Variants in PCNT observed in about 807,000 individuals in gnomAD.
The protein encoded by PCNT is pericentrin.
Under a neutral mutation model 380.4 loss-of-function variants are expected in PCNT, and 319 were observed. The ratio of observed to expected loss-of-function variants is 0.84; its 90% CI spans 0.77 to 0.92. The LOEUF (loss-of-function observed/expected upper bound fraction) is 0.92. Among genes scored for constraint, PCNT ranks in the 40% least tolerant of loss-of-function variants. The pLI is 0.00. For synonymous variants in PCNT, 1,845 were observed against 1,735.2 expected (o/e 1.06, Z -1.57); for missense variants, 4,400 against 4,255.3 (o/e 1.03, Z -0.95).
At chr21:46,365,181 C>G (rs576465204) in intron 14 of PCNT, among the ~76,000 whole-genome samples, 1 of 152,214 alleles carries the variant, frequency 6.6e-6, no homozygotes, top group Admixed American at 6.5e-5. Flanking sequence ...CCATGGGGTT[C>G]TCCTCACTGC....
chr21:46,374,849 C>CAAAAA (rs760273140), intron 15 of PCNT, among the ~76,000 whole-genome samples: 3 of 85,556 alleles, frequency 3.5e-5, no homozygotes, highest in Admixed American at 1.4e-4. Flanking sequence ...AACTTCGTCT[C>CAAAAA]AAAAAAAAAA....
In PCNT at chr21:46,411,579, G is replaced by A. The variant is rs1226226607; in HGVS notation, c.5506G>A (p.Ala1836Thr). ...AGAGGAGGCTGCGGAGCTACAGCTG[G>A]CTGAGCTGGAGCGCAATGTAGCCCT... Reference protein sequence around the residue: ...GAEEAAELQLAELERNVALRE... With the variant: ...GAEEAAELQLTELERNVALRE... The change falls in exon 28 of 47, where the codon GCT (alanine) becomes ACT (threonine). Residue 1836 changes from alanine (A) to threonine (T), a missense_variant. By Grantham distance (58) the Ala-to-Thr change is moderately conservative. Coordinates refer to ENST00000359568, the MANE Select transcript of PCNT (RefSeq NM_006031.6). 1 of 1,612,808 alleles carries A rather than the reference G, an allele frequency of 6.2e-7. No individual in the cohort carries two copies. The highest frequency in any genetic ancestry group is 1.3e-5 in the African/African-American group (1 of 74,932).
At chr21:46,369,244 T>C (rs1261380252) in intron 15 of PCNT, among the ~76,000 whole-genome samples, 1 of 152,220 alleles carries the variant, frequency 6.6e-6, no homozygotes, top group African/African-American at 2.4e-5. Flanking sequence ...GTTTGTTTCT[T>C]TTTTGTTTTT....
chr21:46,435,586 A>C (rs1424309944), intron 38 of PCNT, among the ~76,000 whole-genome samples: 1 of 151,492 alleles, frequency 6.6e-6, no homozygotes, highest in Admixed American at 6.6e-5. Flanking sequence ...TCTGTTGTCC[A>C]GGCTGAAGTG....
Position 46,335,685 on chromosome 21 carries a change from TG to T in PCNT, c.639+921del, listed in dbSNP as rs1337447703. The stretch of plus-strand genomic sequence containing the variant: ...GCAAGTTTGGTTGTTTTTTGGTTTT[TG>T]GGGTTTTTTTTTTTTTTTTAAATAG... On this transcript the variant is annotated intron_variant, in intron 3 of 46. Transcript: ENST00000359568. 1.8e-3 allele frequency among the ~76,000 whole-genome samples: 274 copies of T among 150,160 alleles called. 3 individuals are homozygous for T. Among genetic ancestry groups the T allele is most frequent in the Middle Eastern group, 0.017 (5 of 288 alleles).
chr21:46,407,330 T>G (rs780530917), intron 27 of PCNT, among the ~76,000 whole-genome samples: 6 of 144,852 alleles, frequency 4.1e-5, no homozygotes, highest in African/African-American at 1.6e-4. Flanking sequence ...TAAAGAAGTT[T>G]ATACTTTCTC....
intron 33 of PCNT, among the ~76,000 whole-genome samples, 169 bp from the exon 34 acceptor site, chr21:46,427,453 T>C (rs766049325): frequency 3.9e-5 from 6 of 152,218 alleles, no homozygotes; most frequent in African/African-American, 1.4e-4. Flanking sequence ...CCTCATATGA[T>C]GGAGACAGCG....
intron 7 of PCNT, 65 bp from the exon 8 acceptor site, chr21:46,349,619 C>T: frequency 6.5e-7 from 1 of 1,550,172 alleles, no homozygotes; most frequent in Non-Finnish European, 8.9e-7. Context: ...CCATTATTGT[C>T]ACTGAGGTCG....
At chr21:46,361,343 A>G (rs539351967) in intron 13 of PCNT, among the ~76,000 whole-genome samples, 47 of 152,384 alleles carry the variant, frequency 3.1e-4, no homozygotes, top group Middle Eastern at 3.4e-3. Context: ...GTGAGCCACA[A>G]TCACGCCACT....
At chr21:46,349,598 C>T in intron 7 of PCNT, 86 bp from the exon 8 acceptor site, 1 of 1,439,980 alleles carries the variant, frequency 6.9e-7, no homozygotes, top group East Asian at 2.3e-5. Context: ...GGTGGCAGCG[C>T]TCTGGGTGCA....
At chr21:46,376,045 G>A (rs565341535) in intron 15 of PCNT, among the ~76,000 whole-genome samples, 1 of 152,176 alleles carries the variant, frequency 6.6e-6, no homozygotes, top group Admixed American at 6.5e-5. Flanking sequence ...TGCGTGCAGT[G>A]TTGGCACTCC....
intron 21 of PCNT, among the ~76,000 whole-genome samples, chr21:46,392,097 T>A (rs916984277): frequency 1.6e-4 from 25 of 152,188 alleles, no homozygotes; most frequent in Admixed American, 6.5e-4. Context: ...TATTATTATT[T>A]TTTTACATTT....
chr21:46,432,704 A>G (rs1459786258), intron 38 of PCNT, among the ~76,000 whole-genome samples: 3 of 152,180 alleles, frequency 2.0e-5, no homozygotes. Context: ...AGCTCACTGC[A>G]GTCGCCGCCT....
At chr21:46,434,745 C>G (rs1039479509) in intron 38 of PCNT, among the ~76,000 whole-genome samples, 9 of 152,222 alleles carry the variant, frequency 5.9e-5, no homozygotes, top group Admixed American at 5.9e-4. Flanking sequence ...CACGTGGCCA[C>G]CCAGGCTCAG....
chr21:46,391,745 C>T (rs1005148101), intron 21 of PCNT, among the ~76,000 whole-genome samples: 3 of 152,228 alleles, frequency 2.0e-5, no homozygotes, highest in South Asian at 2.1e-4. Context: ...TATTAACCCT[C>T]ATTAGGAAAA....
chr21:46,437,193 C>T, intron 40 of PCNT, 112 bp downstream of exon 40: 1 of 729,224 alleles, frequency 1.4e-6, no homozygotes, highest in Non-Finnish European at 2.4e-6. Context: ...TCCCTCGCTG[C>T]CTTCTCTGAA....
chr21:46,374,202 G>A lies in PCNT; in HGVS notation c.3165+7063G>A, dbSNP rs567337473. Among the ~76,000 whole-genome samples the A allele has an allele frequency of 2.0e-5, 3 of 152,152 alleles. No individual in the cohort carries two copies. In the South Asian group the frequency reaches 6.2e-4, roughly 32 times the overall value. On this transcript the variant is annotated intron_variant, in intron 15 of 46. Coordinates refer to ENST00000359568, the MANE Select transcript of PCNT (RefSeq NM_006031.6). ...AGCCCCCGGTCCCGCTGGTTAGTGG[G>A]GTGCACGTTCAATACATCAGTCCCC...
At chr21:46,397,527 C>A in intron 22 of PCNT, 33 bp downstream of exon 22, 2 of 1,565,004 alleles carry the variant, frequency 1.3e-6, no homozygotes, top group South Asian at 2.2e-5. Context: ...TTTTTTGCAT[C>A]ACTAAAAGTT....
chr21:46,382,153 G>A (rs866330154), intron 16 of PCNT, among the ~76,000 whole-genome samples: 6 of 138,964 alleles, frequency 4.3e-5, no homozygotes, highest in South Asian at 2.6e-4. Context: ...TGGCGGAAGC[G>A]CATTCATAGT....
Sources: allele counts gnomAD v4.1 joint callset (sites outside exome capture counted in the v4.1 genomes callset), GRCh38; gene constraint gnomAD v4.1.1; transcripts MANE v1.5; gene names NCBI Gene and HGNC (gene_info 2026-07-23, HGNC 2026-07-21).